The following NXN variants were observed in gnomAD, a reference collection of about 807,000 sequenced individuals.
NXN encodes the protein nucleoredoxin.
A neutral mutation model predicts 48.6 loss-of-function variants in NXN; 16 were observed. That is an observed-to-expected ratio of 0.33 (90% CI 0.22 to 0.50). The LOEUF (loss-of-function observed/expected upper bound fraction) is 0.50. Among genes scored for constraint, NXN ranks in the 20% least tolerant of loss-of-function variants. The probability of loss-of-function intolerance (pLI) is 0.98; values close to 1 mark genes in which losing one functional copy is unlikely to be tolerated. For synonymous variants in NXN, 281 were observed against 269.6 expected, an observed-to-expected ratio of 1.04 and a Z score of -0.41; for missense variants, 492 against 605.5, an observed-to-expected ratio of 0.81 and a Z score of 1.97.
chr17:860,117 TTTA>T (rs140407900), intron 1 of NXN, among the ~76,000 whole-genome samples: 207 of 151,328 alleles, frequency 1.4e-3, no homozygotes, highest in African/African-American at 4.7e-3. Context: ...CTTTAAAAAA[TTTA>T]TTATTATTAT....
chr17:833,672 CCT>C (rs933531264), intron 1 of NXN, among the ~76,000 whole-genome samples: 68 of 152,058 alleles, frequency 4.5e-4, no homozygotes, highest in African/African-American at 1.5e-3. Context: ...CATAAATCCC[CCT>C]GAAGCCTGTT....
chr17:912,908 T>C (rs955201831), intron 1 of NXN, among the ~76,000 whole-genome samples: 2 of 151,468 alleles, frequency 1.3e-5, no homozygotes, highest in African/African-American at 4.9e-5. Flanking sequence ...GAGCCAAGAT[T>C]GCACCACCGC....
intron 2 of NXN, among the ~76,000 whole-genome samples, chr17:824,368 T>C (rs902018052): frequency 2.6e-5 from 4 of 152,020 alleles, no homozygotes; most frequent in African/African-American, 9.7e-5. Context: ...TTTTGAAAAG[T>C]ACAAACGCCC....
At chr17:967,333 T>A (rs1349657882) in intron 1 of NXN, among the ~76,000 whole-genome samples, 1 of 151,940 alleles carries the variant, frequency 6.6e-6, no homozygotes, top group South Asian at 2.1e-4. Context: ...CACTAGGAGA[T>A]GAGGAACAGC....
At chr17:810,458 A>G (rs749099760) in intron 5 of NXN, among the ~76,000 whole-genome samples, 3 of 152,210 alleles carry the variant, frequency 2.0e-5, no homozygotes, top group Non-Finnish European at 4.4e-5. Flanking sequence ...GCTCGTTAAC[A>G]TCAGATGAAA....
rs1311991199 is a variant in NXN at position 931,624 on chromosome 17, C to T, written c.360+47695G>A. 2.2e-5 allele frequency among the ~76,000 whole-genome samples: 3 copies of T among 138,886 alleles called. No homozygotes were observed. The East Asian group carries it at 6.6e-4, about 30-fold the overall frequency. 91.1% of individuals were successfully genotyped at this position (138,886 alleles called of 152,430 possible). On this transcript the variant is annotated intron_variant, in intron 1 of 7. Transcript: ENST00000336868. ...GGCCGAGGTGGGCGGATCGTGAGGT[C>T]AGGAGATCGAGACCATCCCGGCTAA...
At chr17:975,052 T>C (rs2069442484) in intron 1 of NXN, among the ~76,000 whole-genome samples, 2 of 152,156 alleles carry the variant, frequency 1.3e-5, no homozygotes, top group South Asian at 4.2e-4. Flanking sequence ...CTCAAACTCC[T>C]AGGCTCAAGT....
chr17:878,777 CGTCA>C (rs1157437541), intron 1 of NXN, among the ~76,000 whole-genome samples: 1 of 152,058 alleles, frequency 6.6e-6, no homozygotes, highest in Non-Finnish European at 1.5e-5. Flanking sequence ...TGGGTAGATG[CGTCA>C]GTGAGACCCT....
chr17:906,499 C>T (rs1023567258), intron 1 of NXN, among the ~76,000 whole-genome samples: 1 of 152,016 alleles, frequency 6.6e-6, no homozygotes, highest in African/African-American at 2.4e-5. Context: ...AACACAACTT[C>T]CTCACAAGGC....
chr17:942,973 G>A (rs1196897035), intron 1 of NXN, among the ~76,000 whole-genome samples: 9 of 104,522 alleles, frequency 8.6e-5, no homozygotes, highest in South Asian at 3.7e-4. Flanking sequence ...AGATTCCAGG[G>A]TGCAGCCATG....
rs66721481 is a variant in NXN, at chr17:838,126, C to CTTTTTTTT, written c.361-12056_361-12049dup. ...CAGAACACTGAATTTTCCTTTCCTT[C>CTTTTTTTT]TTTTTTTTTTTTTTTTTTTTTTTGA... On this transcript the variant is annotated intron_variant, in intron 1 of 7. Transcript: ENST00000336868. Among the ~76,000 whole-genome samples, 56 of 99,178 alleles carry CTTTTTTTT rather than the reference C, an allele frequency of 5.6e-4. 1 individual carries two copies. Among genetic ancestry groups the CTTTTTTTT allele is most frequent in the African/African-American group, 7.6e-4 (18 of 23,766 alleles). 65.1% of individuals were successfully genotyped at this position (99,178 alleles called of 152,430 possible).
intron 1 of NXN, among the ~76,000 whole-genome samples, chr17:940,896 G>T (rs546070760): frequency 6.7e-6 from 1 of 149,862 alleles, no homozygotes; most frequent in African/African-American, 2.5e-5. Flanking sequence ...CACCTTCCTG[G>T]ATTTACAGTG....
chr17:963,068 G>A (rs767615241), intron 1 of NXN, among the ~76,000 whole-genome samples: 2 of 151,852 alleles, frequency 1.3e-5, no homozygotes, highest in Non-Finnish European at 2.9e-5. Flanking sequence ...ATCATACAAG[G>A]TTATCAGACA....
chr17:804,627 C>T (rs1019818929), intron 6 of NXN, among the ~76,000 whole-genome samples: 4 of 152,230 alleles, frequency 2.6e-5, no homozygotes, highest in South Asian at 4.1e-4. Flanking sequence ...AGATGGGAGA[C>T]GGGGAGGTGC....
At chr17:975,783 G>C (rs2069450820) in intron 1 of NXN, among the ~76,000 whole-genome samples, 1 of 152,194 alleles carries the variant, frequency 6.6e-6, no homozygotes, top group Admixed American at 6.6e-5. Flanking sequence ...GGCTGAAGTG[G>C]ATCCCGGAGA....
chr17:831,792 G>A (rs147685331), intron 1 of NXN, among the ~76,000 whole-genome samples: 2,176 of 151,570 alleles, frequency 0.014, 18 homozygotes, highest in Non-Finnish European at 0.024. Flanking sequence ...GACCCACTGC[G>A]CCTGGCCTTC....
At chr17:925,464 C>T (rs988970019) in intron 1 of NXN, among the ~76,000 whole-genome samples, 2 of 152,218 alleles carry the variant, frequency 1.3e-5, no homozygotes. Context: ...TCTCAGCTCA[C>T]TGCAACCTCC....
In NXN at chr17:956,773, G is replaced by T. The variant is rs371947711; in HGVS notation, c.360+22546C>A. Among the ~76,000 whole-genome samples the T allele has an allele frequency of 6.6e-6, 1 of 152,102 alleles. No homozygotes were observed. The highest frequency in any genetic ancestry group is 6.6e-5 in the Admixed American group (1 of 15,244). On this transcript the variant is annotated intron_variant, in intron 1 of 7. Transcript: ENST00000336868. The surrounding 1 kb of genome is among the most constrained non-coding windows in gnomAD (Gnocchi z 4.1). The stretch of plus-strand genomic sequence containing the variant: ...TCCACCGCAACCTGACAAGGTGGAC[G>T]CTGCTATCGTTCCCACTTTACAGAT...
At chr17:929,816 TGTA>T (rs2068835805) in intron 1 of NXN, 1 of 152,098 alleles carries the variant, frequency 6.6e-6, no homozygotes, top group Admixed American at 6.6e-5. Flanking sequence ...AAAAAAACTG[TGTA>T]GTAGTGTTTA....
Sources: gnomAD v4.1 joint callset for allele counts (sites outside exome capture counted in the v4.1 genomes callset) on GRCh38, gnomAD v4.1.1 for gene constraint, Gnocchi (gnomAD v3.1) non-coding constraint, MANE v1.5 for transcripts, NCBI Gene and HGNC (gene_info 2026-07-23, HGNC 2026-07-21) for gene names.